The following COL15A1 variants were observed in gnomAD, a reference collection of about 807,000 sequenced individuals.
The protein encoded by COL15A1 is collagen alpha-1(XV) chain.
COL15A1 carries 111 observed loss-of-function variants against 165.9 expected under a neutral mutation model. That is an observed-to-expected ratio of 0.67 (90% confidence interval 0.57 to 0.78). The LOEUF (loss-of-function observed/expected upper bound fraction) is 0.78, where lower values mean the gene tolerates loss of function less well. Among genes scored for constraint, COL15A1 ranks in the 30% least tolerant of loss-of-function variants. The pLI is 0.00. For synonymous variants in COL15A1, 659 were observed against 674.8 expected (o/e 0.98, Z 0.36); for missense variants, 1,745 against 1,789.7 (o/e 0.98, Z 0.45).
chr9:98,950,499 CCCTTCCTT>C (rs1342944727), intron 2 of COL15A1, among the ~76,000 whole-genome samples: 1 of 120,126 alleles, frequency 8.3e-6, no homozygotes, highest in Admixed American at 8.5e-5. Flanking sequence ...TTCCCTCCCT[CCCTTCCTT>C]CCTTCCTTCC....
Position 99,066,633 on chromosome 9 carries a change from G to A in COL15A1, c.3652-249G>A, listed in dbSNP as rs562621589. Among the ~76,000 whole-genome samples, 230 of 102,754 alleles carry A rather than the reference G, an allele frequency of 2.2e-3. 1 individual carries two copies. Among genetic ancestry groups the A allele is most frequent in the African/African-American group, 7.8e-3 (222 of 28,532 alleles). 67.4% of individuals were successfully genotyped at this position (102,754 alleles called of 152,430 possible). A position where few individuals can be genotyped will look rare whatever the true frequency, so the allele number is the denominator to read the frequency against. On this transcript the variant is annotated intron_variant, in intron 39 of 41. Coordinates refer to ENST00000375001, the MANE Select transcript of COL15A1 (RefSeq NM_001855.5). ...TTTTTTTTTTTTTTTTTCACCTAAG[G>A]AAGACATTTCTACCACTTAGAGCTG...
chr9:98,944,192 G>C lies in COL15A1; in HGVS notation c.42G>C (p.Leu14=). The C allele has an allele frequency of 6.2e-7, 1 of 1,614,148 alleles. No individual in the cohort carries two copies. Among genetic ancestry groups the C allele is most frequent in the Non-Finnish European group, 8.5e-7 (1 of 1,180,008 alleles). The part of the protein sequence containing the change: ...RRNNGQCWCL[L]MLLSVSTPLP... ...ACAACGGGCAGTGCTGGTGTCTGCT[G>C]ATGCTGCTCTCGGTCTCCACGCCCC... The change falls in exon 2 of 42, where the codon CTG becomes CTC. Residue 14 remains leucine (L), a synonymous_variant. Coordinates refer to ENST00000375001, the MANE Select transcript of COL15A1 (RefSeq NM_001855.5).
chr9:99,041,544 G>T (rs1036667614), intron 23 of COL15A1, among the ~76,000 whole-genome samples: 1 of 152,182 alleles, frequency 6.6e-6, no homozygotes, highest in Non-Finnish European at 1.5e-5. Flanking sequence ...AAGCAATGGA[G>T]GAGTGCAGAG....
chr9:99,017,462 G>C (rs183309586), intron 11 of COL15A1, among the ~76,000 whole-genome samples: 5 of 152,294 alleles, frequency 3.3e-5, no homozygotes, highest in Admixed American at 3.3e-4. Context: ...CTGCTGACTT[G>C]TTGTAGGCCC....
chr9:98,968,453 G>T (rs553293401), intron 2 of COL15A1, among the ~76,000 whole-genome samples: 2 of 152,270 alleles, frequency 1.3e-5, no homozygotes, highest in East Asian at 3.9e-4. Flanking sequence ...TCTGGTGACT[G>T]CCAGCAATCC....
intron 28 of COL15A1, 57 bp downstream of exon 28, chr9:99,048,057 T>G: frequency 2.2e-6 from 2 of 916,784 alleles, no homozygotes; most frequent in East Asian, 2.6e-5. Flanking sequence ...TGAGAGAGTG[T>G]GGGGTCCACA....
chr9:98,990,583 G>A (rs188457883), intron 5 of COL15A1, among the ~76,000 whole-genome samples: 125 of 152,340 alleles, frequency 8.2e-4, no homozygotes, highest in African/African-American at 2.8e-3. Flanking sequence ...AATTCACAGC[G>A]AAGCCAACTC....
chr9:98,959,335 G>A (rs763959927), intron 2 of COL15A1, among the ~76,000 whole-genome samples: 3 of 151,170 alleles, frequency 2.0e-5, no homozygotes, highest in Non-Finnish European at 2.9e-5. Context: ...GATCACTTGA[G>A]CCCAGGAGAC....
intron 14 of COL15A1, 122 bp from the exon 15 acceptor site, chr9:99,024,752 G>A (rs1361941687): frequency 3.4e-6 from 4 of 1,168,592 alleles, no homozygotes; most frequent in Admixed American, 2.4e-5. Flanking sequence ...CATCTGCTAA[G>A]TGGGATCACC....
At chr9:99,013,304 C>G (rs1276329134) in intron 9 of COL15A1, among the ~76,000 whole-genome samples, 1 of 152,162 alleles carries the variant, frequency 6.6e-6, no homozygotes, top group Non-Finnish European at 1.5e-5. Flanking sequence ...CCCCCCAAGA[C>G]ACTCCCACTT....
chr9:99,066,501 C>T (rs992956401), intron 39 of COL15A1, among the ~76,000 whole-genome samples: 2 of 152,082 alleles, frequency 1.3e-5, no homozygotes, highest in African/African-American at 2.4e-5. Context: ...CTTAAAACCC[C>T]TGCACAGACC....
rs1825959641 is a variant in COL15A1 at position 99,069,985 on chromosome 9, T to G, written c.*99T>G. 9.9e-7 allele frequency: 1 copy of G among 1,010,268 alleles called. No homozygotes were observed. Among genetic ancestry groups the G allele is most frequent in the Non-Finnish European group, 1.4e-6 (1 of 705,612 alleles). 62.6% of individuals were successfully genotyped at this position (1,010,268 alleles called of 1,614,324 possible). A position where few individuals can be genotyped will look rare whatever the true frequency, so the allele number is the denominator to read the frequency against. On this transcript the variant is annotated 3_prime_UTR_variant, in exon 42 of 42. Coordinates refer to ENST00000375001, the MANE Select transcript of COL15A1 (RefSeq NM_001855.5). ...TTAATTGTTGTAAATATTACAGTTTTTTTTTTTTACTACATATTCTTTACA... is the reference window on the plus strand; with the variant it reads ...TTAATTGTTGTAAATATTACAGTTTGTTTTTTTTACTACATATTCTTTACA...
intron 2 of COL15A1, among the ~76,000 whole-genome samples, chr9:98,959,236 A>AAAT: frequency 6.6e-6 from 1 of 151,450 alleles, no homozygotes; most frequent in Non-Finnish European, 1.5e-5. Flanking sequence ...ACAAAAAAAA[A>AAAT]AAAAAAAAAA....
At chr9:98,975,825 A>T (rs896341334) in intron 2 of COL15A1, among the ~76,000 whole-genome samples, 6 of 152,170 alleles carry the variant, frequency 3.9e-5, no homozygotes, top group Non-Finnish European at 7.3e-5. Context: ...AGGGGGGATG[A>T]CTTTGGCCCT....
chr9:99,065,239 A>T (rs1771212975), intron 39 of COL15A1, among the ~76,000 whole-genome samples: 1 of 152,204 alleles, frequency 6.6e-6, no homozygotes, highest in Non-Finnish European at 1.5e-5. Context: ...GAAGCCCTGC[A>T]GTTGCCCCCT....
intron 9 of COL15A1, among the ~76,000 whole-genome samples, chr9:99,007,733 A>G (rs1457201677): frequency 6.6e-6 from 1 of 152,214 alleles, no homozygotes; most frequent in African/African-American, 2.4e-5. Context: ...TTTCCTCTGA[A>G]GTTTAAGTTG....
intron 16 of COL15A1, 72 bp downstream of exon 16, chr9:99,026,038 C>T (rs1433061193): frequency 7.2e-7 from 1 of 1,395,832 alleles, no homozygotes; most frequent in Admixed American, 2.4e-5. Context: ...GACCCCTAAA[C>T]CTGACCTTGC....
intron 26 of COL15A1, among the ~76,000 whole-genome samples, chr9:99,045,864 T>C (rs967064118): frequency 6.6e-6 from 1 of 152,234 alleles, no homozygotes; most frequent in Non-Finnish European, 1.5e-5. Context: ...TGGTTGAAGT[T>C]GGATCTCAGG....
At chr9:98,956,736 G>A (rs1446212875) in intron 2 of COL15A1, among the ~76,000 whole-genome samples, 1 of 152,136 alleles carries the variant, frequency 6.6e-6, no homozygotes, top group Admixed American at 6.5e-5. Flanking sequence ...CTAGCATCTT[G>A]CTACGTGTGG....
Sources: gnomAD v4.1 joint callset for allele counts (sites outside exome capture counted in the v4.1 genomes callset) on GRCh38, gnomAD v4.1.1 for gene constraint, MANE v1.5 for transcripts, NCBI Gene and HGNC (gene_info 2026-07-23, HGNC 2026-07-21) for gene names.